ASIC2: variants seen among roughly 807,000 people sequenced by gnomAD.
ASIC2 encodes the protein acid sensing ion channel subunit 2.
In ASIC2, 25 loss-of-function variants were observed where a neutral mutation model predicts 57.3. The observed-to-expected ratio is 0.44, with a 90% confidence interval of 0.32 to 0.61. The LOEUF (loss-of-function observed/expected upper bound fraction) is 0.61. Ranked by LOEUF, ASIC2 falls within the 20% of genes least tolerant of loss-of-function variation. The pLI, the probability that ASIC2 is intolerant of heterozygous loss-of-function variation, is 0.06. For synonymous variants in ASIC2, 319 were observed against 307.5 expected, an observed-to-expected ratio of 1.04 and a Z score of -0.39; for missense variants, 641 against 738.1, an observed-to-expected ratio of 0.87 and a Z score of 1.52.
At chr17:33,375,324 G>A (rs1364338480) in intron 1 of ASIC2, among the ~76,000 whole-genome samples, 2 of 151,830 alleles carry the variant, frequency 1.3e-5, no homozygotes, top group East Asian at 3.9e-4. Context: ...AGCACATGAC[G>A]GGCTCTCAGG....
intron 3 of ASIC2, among the ~76,000 whole-genome samples, chr17:33,041,024 C>T (rs1036535695): frequency 1.3e-5 from 2 of 152,098 alleles, no homozygotes; most frequent in Non-Finnish European, 2.9e-5. Flanking sequence ...AAACAGGGTA[C>T]TTGCTCTCAA....
chr17:34,063,635 G>T (rs1207249819), intron 1 of ASIC2, among the ~76,000 whole-genome samples: 2 of 152,104 alleles, frequency 1.3e-5, no homozygotes, highest in African/African-American at 4.8e-5. Context: ...GACTCCTCCA[G>T]AAAGCTCCTA....
chr17:33,339,027 C>T (rs2142234870), intron 1 of ASIC2, among the ~76,000 whole-genome samples: 1 of 152,064 alleles, frequency 6.6e-6, no homozygotes, highest in Middle Eastern at 3.4e-3. Context: ...TTTAACACTA[C>T]TGAACTGTAC....
chr17:34,102,187 G>A (rs534840490), intron 1 of ASIC2, among the ~76,000 whole-genome samples: 55 of 151,756 alleles, frequency 3.6e-4, no homozygotes, highest in Non-Finnish European at 7.5e-4. Flanking sequence ...AAAATTAACC[G>A]GGTGTGGTGG....
At chr17:33,858,988 C>G (rs1165524236) in intron 1 of ASIC2, among the ~76,000 whole-genome samples, 3 of 152,202 alleles carry the variant, frequency 2.0e-5, no homozygotes, top group Non-Finnish European at 4.4e-5. Context: ...TGTCCAGGAA[C>G]AGAAACTGCC....
chr17:33,201,886 G>C (rs983643252), intron 1 of ASIC2, among the ~76,000 whole-genome samples: 1 of 151,928 alleles, frequency 6.6e-6, no homozygotes, highest in Non-Finnish European at 1.5e-5. Context: ...AAAACAATTA[G>C]CTGGGCATGG....
rs115015408 is a variant in ASIC2, at chr17:33,124,043, G to T, written c.709-11976C>A. Among the ~76,000 whole-genome samples, 801 of 152,320 alleles carry T rather than the reference G, an allele frequency of 5.3e-3. 7 individuals are homozygous for T. Among genetic ancestry groups the T allele is most frequent in the African/African-American group, 0.019 (777 of 41,564 alleles). ...TGGCAGGGCAGAAAACAATCCCAAG[G>T]CAGGCTGATTCTAAAAGCTGATCAA... On this transcript the variant is annotated intron_variant, in intron 1 of 9. Coordinates refer to ENST00000225823, the MANE Select transcript of ASIC2 (RefSeq NM_183377.2).
At chr17:33,285,521 C>T (rs1175727007) in intron 1 of ASIC2, among the ~76,000 whole-genome samples, 1 of 152,208 alleles carries the variant, frequency 6.6e-6, no homozygotes, top group Non-Finnish European at 1.5e-5. Context: ...CAGCTAAATC[C>T]CGTTGATCAT....
chr17:33,396,203 A>T (rs1278478206), intron 1 of ASIC2, among the ~76,000 whole-genome samples: 3 of 152,194 alleles, frequency 2.0e-5, no homozygotes, highest in Non-Finnish European at 4.4e-5. Context: ...TTGGCCAAGG[A>T]TGTGTAGCAA....
intron 1 of ASIC2, among the ~76,000 whole-genome samples, chr17:33,364,563 T>A (rs993198374): frequency 6.6e-6 from 1 of 152,060 alleles, no homozygotes; most frequent in African/African-American, 2.4e-5. Flanking sequence ...TGAGATCTGG[T>A]TGTTTAAAAG....
chr17:33,501,039 G>C lies in ASIC2; in HGVS notation c.556-388972C>G, dbSNP rs576092668. Among the ~76,000 whole-genome samples the C allele has an allele frequency of 5.3e-5, 8 of 152,326 alleles. No individual in the cohort carries two copies. In the South Asian group the frequency reaches 1.4e-3, roughly 28 times the overall value. ...AGAACGGGATCCCTGATGCCTCCAT[G>C]CTTCTGAGCACTCCCTGGTCTGCAG... is the stretch of plus-strand genomic sequence containing the variant. On this transcript the variant is annotated intron_variant, in intron 1 of 9. Coordinates refer to the ASIC2 transcript ENST00000359872.
intron 1 of ASIC2, among the ~76,000 whole-genome samples, chr17:33,154,517 T>C (rs1196218553): frequency 6.6e-6 from 1 of 152,182 alleles, no homozygotes; most frequent in East Asian, 1.9e-4. Context: ...AAGCAGGTAT[T>C]AGCCCTAGGA....
At chr17:33,585,591 T>A (rs984371082) in intron 1 of ASIC2, among the ~76,000 whole-genome samples, 21 of 152,252 alleles carry the variant, frequency 1.4e-4, no homozygotes, top group South Asian at 4.2e-4. Flanking sequence ...GGGCATGTGG[T>A]CACCATGTGA....
rs116581114 is a variant in ASIC2 at position 33,148,031 on chromosome 17, G to T, written c.709-35964C>A. ...GAAGTGAGGCCTGGAGAGGGGCAAAGACCAGAGTAGAACCAGGCTTTTCAT... is the reference window on the plus strand; with the variant it reads ...GAAGTGAGGCCTGGAGAGGGGCAAATACCAGAGTAGAACCAGGCTTTTCAT... On this transcript the variant is annotated intron_variant, in intron 1 of 9. Transcript: ENST00000225823. 1.8e-3 allele frequency among the ~76,000 whole-genome samples: 277 copies of T among 152,314 alleles called. 2 individuals carry two copies. The highest frequency in any genetic ancestry group is 6.2e-3 in the African/African-American group (259 of 41,566).
intron 1 of ASIC2, among the ~76,000 whole-genome samples, chr17:33,809,777 G>A (rs1597885002): frequency 6.6e-6 from 1 of 152,216 alleles, no homozygotes; most frequent in African/African-American, 2.4e-5. Flanking sequence ...TTTAGTGCAT[G>A]AATGCTAACA....
intron 1 of ASIC2, among the ~76,000 whole-genome samples, chr17:33,356,022 T>C (rs1457144105): frequency 6.6e-6 from 1 of 152,158 alleles, no homozygotes; most frequent in African/African-American, 2.4e-5. Flanking sequence ...AGATGAGGCC[T>C]GACAAATGAG....
In ASIC2 at chr17:33,457,145, G is replaced by C. The variant is rs147864195; in HGVS notation, c.556-345078C>G. ...AGGAGTATATAAAGTACTTAGCACA[G>C]TGCCTGGCATGAAGTAAGAACTTAA... is the stretch of plus-strand genomic sequence containing the variant. On this transcript the variant is annotated intron_variant, in intron 1 of 9. Transcript: ENST00000359872. Among the ~76,000 whole-genome samples the C allele has an allele frequency of 2.6e-5, 4 of 152,254 alleles. No individual in the cohort carries two copies. The East Asian group carries it at 7.7e-4, about 29-fold the overall frequency.
intron 1 of ASIC2, among the ~76,000 whole-genome samples, chr17:33,503,927 C>T (rs769237410): frequency 2.6e-5 from 4 of 152,148 alleles, no homozygotes; most frequent in South Asian, 2.1e-4. Context: ...GAGCTTGAGA[C>T]GGAAGGACAC....
chr17:33,613,935 A>C (rs1420226334), intron 1 of ASIC2, among the ~76,000 whole-genome samples: 3 of 152,140 alleles, frequency 2.0e-5, no homozygotes, highest in Non-Finnish European at 2.9e-5. Context: ...TGCTGTAGTG[A>C]CTATAATGAA....
Sources: allele counts gnomAD v4.1 joint callset (sites outside exome capture counted in the v4.1 genomes callset), GRCh38; gene constraint gnomAD v4.1.1; transcripts MANE v1.5; gene names NCBI Gene and HGNC (gene_info 2026-07-23, HGNC 2026-07-21).